The following AARS1 variants were observed in gnomAD, a reference collection of about 807,000 sequenced individuals.
AARS1 encodes alanyl-tRNA synthetase 1, also known as alanine--tRNA ligase, cytoplasmic.
A neutral mutation model predicts 108.9 loss-of-function variants in AARS1; 72 were observed. The observed-to-expected ratio is 0.66, with a 90% CI of 0.55 to 0.80. The LOEUF (loss-of-function observed/expected upper bound fraction) is 0.80, where lower values mean the gene tolerates loss of function less well. AARS1 is among the 30% of genes least tolerant of loss of function. AARS1 has a pLI of 0.00. For missense variants in AARS1, 1,193 were observed against 1,233.2 expected, an observed-to-expected ratio of 0.97 and a Z score of 0.49; for synonymous variants, 489 against 465.7, an observed-to-expected ratio of 1.05 and a Z score of -0.64.
intron 4 of AARS1, among the ~76,000 whole-genome samples, chr16:70,272,501 C>A (rs1960432192): frequency 1.2e-5 from 1 of 85,032 alleles, no homozygotes; most frequent in African/African-American, 4.6e-5. Flanking sequence ...AGCAAAACTC[C>A]ATCTCAAAAA....
chr16:70,255,450 G>A (rs1162743438), intron 16 of AARS1, among the ~76,000 whole-genome samples: 5 of 151,964 alleles, frequency 3.3e-5, no homozygotes, highest in East Asian at 1.9e-4. Flanking sequence ...CACCCGCCTC[G>A]GCCTCCCAAA....
intron 1 of AARS1, among the ~76,000 whole-genome samples, chr16:70,288,716 G>A (rs1424906745): frequency 5.9e-5 from 9 of 151,908 alleles, no homozygotes; most frequent in African/African-American, 2.2e-4. Flanking sequence ...ACAGGCGCGC[G>A]CCGCCACGCT....
At chr16:70,284,596 T>C (rs1210245307) in intron 1 of AARS1, among the ~76,000 whole-genome samples, 2 of 151,894 alleles carry the variant, frequency 1.3e-5, no homozygotes, top group Non-Finnish European at 2.9e-5. Flanking sequence ...AGACCTTGTG[T>C]CAACAAACAA....
rs1321867626 is a variant in AARS1 at position 70,276,832 on chromosome 16, A to T, written c.333+134T>A. The T allele has an allele frequency of 2.5e-6, 3 of 1,210,536 alleles. No homozygotes were observed. The Admixed American group carries it at 6.0e-5, about 24-fold the overall frequency. The allele number at this position is 1,210,536 out of a possible 1,614,324, so 75.0% of individuals were successfully genotyped here. A position where few individuals can be genotyped will look rare whatever the true frequency, so the allele number is the denominator to read the frequency against. On this transcript the variant is annotated intron_variant, in intron 3 of 20. Transcript: ENST00000261772. Reference sequence around the variant, plus strand: ...ACTACTTCCAGGAAGTCTTAGAATTAATAAATGCCATTCATTCCTGAATCA... The same window carrying T: ...ACTACTTCCAGGAAGTCTTAGAATTTATAAATGCCATTCATTCCTGAATCA...
rs757178298 is a variant in AARS1, at chr16:70,255,702, G to A, written c.2286+26C>T. The A allele has an allele frequency of 3.7e-6, 6 of 1,605,188 alleles. No homozygotes were observed. The African/African-American group carries it at 5.4e-5, about 14-fold the overall frequency. On this transcript the variant is annotated intron_variant, in intron 16 of 20. Coordinates refer to ENST00000261772, the MANE Select transcript of AARS1 (RefSeq NM_001605.3). ...GGCTCCTCTTGCCTTCTTCAGATAA[G>A]CCACAAACCAGCCTGACCTGCTCAC... is the stretch of plus-strand genomic sequence containing the variant.
chr16:70,260,338 C>G (rs1960102410), intron 13 of AARS1, among the ~76,000 whole-genome samples: 1 of 152,200 alleles, frequency 6.6e-6, no homozygotes, highest in African/African-American at 2.4e-5. Context: ...ACCAGGCCCT[C>G]TGACTGTGGG....
intron 2 of AARS1, among the ~76,000 whole-genome samples, chr16:70,279,493 C>A (rs1340122333): frequency 2.0e-5 from 3 of 151,060 alleles, no homozygotes; most frequent in African/African-American, 7.3e-5. Context: ...AACCCTGTCT[C>A]TACTAAAAAT....
At position 70,265,065 on chromosome 16, in the gene AARS1, A is replaced by T. The variant is rs1433265893; in HGVS notation, c.1385T>A (p.Leu462His). 1 of 1,614,006 alleles carries T rather than the reference A, an allele frequency of 6.2e-7. No individual in the cohort carries two copies. ...GATAGCGTAAATGTCCAGCATAATG[A>T]GGTCTTCCCCACCAGCTCCCTTGCC... ...SQGKGAGGEDLIMLDIYAIEE... is the reference protein window; with the variant it reads ...SQGKGAGGEDHIMLDIYAIEE... Residue 462 changes from leucine to histidine, a missense_variant, in exon 11 of 21, where the codon CTC becomes CAC. Physicochemically the swap from Leu to His is moderately conservative, Grantham distance 99. Transcript: ENST00000261772.
chr16:70,284,843 C>T (rs538250065), intron 1 of AARS1, among the ~76,000 whole-genome samples: 3 of 152,290 alleles, frequency 2.0e-5, no homozygotes, highest in Non-Finnish European at 4.4e-5. Context: ...AGTTCAGTTC[C>T]TTTTCTGTAA....
chr16:70,275,251 C>T (rs1960510796), intron 4 of AARS1, among the ~76,000 whole-genome samples: 1 of 132,882 alleles, frequency 7.5e-6, no homozygotes, highest in Non-Finnish European at 1.5e-5. Flanking sequence ...CAGACTGAGA[C>T]TCTGTCTCAA....
chr16:70,279,674 A>AAC (rs1348271031), intron 2 of AARS1, among the ~76,000 whole-genome samples: 1 of 134,092 alleles, frequency 7.5e-6, no homozygotes, highest in Admixed American at 7.5e-5. Flanking sequence ...AAAAAACAAA[A>AAC]AAAAAAAAAA....
At chr16:70,270,117 T>G in intron 6 of AARS1, 79 bp downstream of exon 6, 1 of 1,565,566 alleles carries the variant, frequency 6.4e-7, no homozygotes, top group Non-Finnish European at 8.8e-7. Context: ...ATATGGTCAT[T>G]TTTTCTTTGA....
At position 70,265,591 on chromosome 16, in the gene AARS1, T is replaced by G; in HGVS notation, c.1294A>C (p.Lys432Gln). ...VDLTGLIAEE[K>Q]GLVVDMDGFE... is the part of the protein sequence containing the mutation. ...CCATCCATGTCTACCACCAGGCCCT[T>G]CTCTTCAGCAATCAGTCCAGTCAGA... Residue 432 changes from lysine to glutamine, a missense_variant, in exon 10 of 21, where the codon AAG becomes CAG. Lys to Gln is a moderately conservative substitution (Grantham distance 53, BLOSUM62 1). Coordinates refer to ENST00000261772, the MANE Select transcript of AARS1 (RefSeq NM_001605.3). 1.2e-6 allele frequency: 2 copies of G among 1,613,970 alleles called. No homozygotes were observed. Among genetic ancestry groups the G allele is most frequent in the Non-Finnish European group, 8.5e-7 (1 of 1,179,958 alleles).
rs1312337697 is a variant in AARS1 at position 70,258,034 on chromosome 16, T to G, written c.2176A>C (p.Thr726Pro). ...SLTSVEFCGGTHLRNSSHAGA... is the reference protein window; with the variant it reads ...SLTSVEFCGGPHLRNSSHAGA... The stretch of plus-strand genomic sequence containing the variant: ...ACTCTGCCCCTCTGCAGTACTCACG[T>G]TCCCCCACAGAACTCAACAGAAGTC... The change falls in exon 15 of 21, where the codon ACG becomes CCG. Residue 726 changes from threonine to proline, a missense_variant and splice_region_variant. Thr to Pro is a conservative substitution (Grantham distance 38). Transcript: ENST00000261772. The G allele has an allele frequency of 1.2e-6, 2 of 1,613,946 alleles. No homozygotes were observed. Among genetic ancestry groups the G allele is most frequent in the Admixed American group, 3.3e-5 (2 of 59,988 alleles).
chr16:70,275,405 G>A (rs1205730515), intron 4 of AARS1, among the ~76,000 whole-genome samples: 2 of 151,842 alleles, frequency 1.3e-5, no homozygotes, highest in Non-Finnish European at 2.9e-5. Context: ...CACGAGGTCA[G>A]GAGATCGAGA....
intron 2 of AARS1, 104 bp from the exon 3 acceptor site, chr16:70,277,258 G>C (rs1029241602): frequency 1.7e-6 from 2 of 1,195,428 alleles, no homozygotes; most frequent in East Asian, 4.7e-5. Context: ...TGCAGTTCAT[G>C]ATTAACATGC....
At chr16:70,286,882 G>A (rs1393408182) in intron 1 of AARS1, among the ~76,000 whole-genome samples, 6 of 151,810 alleles carry the variant, frequency 4.0e-5, no homozygotes, top group African/African-American at 7.3e-5. Flanking sequence ...TTGGGGGGCC[G>A]AGGCGGGTGG....
rs775186689 is a variant in AARS1, at chr16:70,255,756, A to G, written c.2258T>C (p.Val753Ala). 7 of 1,614,202 alleles carry G rather than the reference A, an allele frequency of 4.3e-6. No individual in the cohort carries two copies. The highest frequency in any genetic ancestry group is 5.9e-6 in the Non-Finnish European group (7 of 1,180,014). Residue 753 changes from valine to alanine, a missense_variant, in exon 16 of 21, where the codon GTG (valine) becomes GCG (alanine). Val to Ala is a moderately conservative substitution (Grantham distance 64). Transcript: ENST00000261772. The part of the protein sequence containing the change: ...EAIAKGIRRI[V>A]AVTGAEAQKA... ...CTGGGCCTCGGCACCTGTGACAGCC[A>G]CAATCCTCCGGATACCCTTGGCAAT...
At chr16:70,272,017 A>C (rs1395784051) in intron 4 of AARS1, 45 bp from the exon 5 acceptor site, 1 of 1,585,812 alleles carries the variant, frequency 6.3e-7, no homozygotes. Flanking sequence ...CCCTGACAAG[A>C]GTTCTGCCCA....
Sources: allele counts gnomAD v4.1 joint callset (sites outside exome capture counted in the v4.1 genomes callset), GRCh38; gene constraint gnomAD v4.1.1; transcripts MANE v1.5; gene names NCBI Gene and HGNC (gene_info 2026-07-23, HGNC 2026-07-21).